Variants in RBFOX1 observed in about 807,000 individuals in gnomAD.
RBFOX1 encodes RNA binding protein fox-1 homolog 1.
A neutral mutation model predicts 57.7 loss-of-function variants in RBFOX1; 8 were observed. That is an observed-to-expected ratio of 0.14 (90% CI 0.08 to 0.25). The LOEUF (loss-of-function observed/expected upper bound fraction) is 0.25, where lower values mean the gene tolerates loss of function less well. Among genes scored for constraint, RBFOX1 ranks in the 10% least tolerant of loss-of-function variants. The probability of loss-of-function intolerance (pLI) is 1.00; values close to 1 mark genes in which losing one functional copy is unlikely to be tolerated. For synonymous variants in RBFOX1, 326 were observed against 222.4 expected (o/e 1.47, Z -4.15); for missense variants, 611 against 548.5 (o/e 1.11, Z -1.14).
At position 7,343,450 on chromosome 16, in the gene RBFOX1, A is replaced by G. The variant is rs1036257900; in HGVS notation, c.28-174697A>G. Reference sequence around the variant, plus strand: ...GGGATTTGGGAGCTGGTATTGACCAACAGTACAAGGGCTTTGTTGAGGTTT... The same window carrying G: ...GGGATTTGGGAGCTGGTATTGACCAGCAGTACAAGGGCTTTGTTGAGGTTT... On this transcript the variant is annotated intron_variant, in intron 4 of 15. Coordinates refer to ENST00000550418, the MANE Select transcript of RBFOX1 (RefSeq NM_018723.4). Among the ~76,000 whole-genome samples the G allele has an allele frequency of 1.8e-4, 28 of 152,160 alleles. 1 individual carries two copies. Among genetic ancestry groups the G allele is most frequent in the African/African-American group, 6.8e-4 (28 of 41,438 alleles).
intron 3 of RBFOX1, among the ~76,000 whole-genome samples, chr16:6,957,471 T>C (rs1023434844): frequency 5.3e-5 from 8 of 152,174 alleles, no homozygotes; most frequent in African/African-American, 1.9e-4. Context: ...TTAGACCATA[T>C]AGGGTAACTT....
At chr16:5,356,302 C>A (rs552995060) in intron 1 of RBFOX1, among the ~76,000 whole-genome samples, 4 of 152,280 alleles carry the variant, frequency 2.6e-5, no homozygotes, top group Non-Finnish European at 5.9e-5. Context: ...TTTTGAACTT[C>A]TAGGCTACAG....
At chr16:6,926,240 G>A (rs1000187639) in intron 3 of RBFOX1, among the ~76,000 whole-genome samples, 1 of 152,180 alleles carries the variant, frequency 6.6e-6, no homozygotes, top group African/African-American at 2.4e-5. Context: ...CTGGGAGGGG[G>A]AGGTTGCAGT....
intron 4 of RBFOX1, among the ~76,000 whole-genome samples, chr16:5,981,411 G>C (rs1463786852): frequency 1.3e-5 from 2 of 152,136 alleles, no homozygotes; most frequent in African/African-American, 2.4e-5. Flanking sequence ...TGTTTAATGA[G>C]GCATGGAAAC....
At chr16:7,105,802 A>T (rs574089593) in intron 4 of RBFOX1, among the ~76,000 whole-genome samples, 2 of 152,244 alleles carry the variant, frequency 1.3e-5, no homozygotes, top group Non-Finnish European at 1.5e-5. Flanking sequence ...AGATAGATAG[A>T]GATATCACAG....
intron 4 of RBFOX1, among the ~76,000 whole-genome samples, chr16:6,000,305 G>T (rs755999802): frequency 6.6e-6 from 1 of 152,148 alleles, no homozygotes; most frequent in East Asian, 1.9e-4. Context: ...CTTGGGTTAT[G>T]AAGTCACAGC....
At chr16:6,130,417 T>C (rs1374658986) in intron 1 of RBFOX1, among the ~76,000 whole-genome samples, 3 of 152,090 alleles carry the variant, frequency 2.0e-5, no homozygotes, top group Non-Finnish European at 4.4e-5. Flanking sequence ...AATAAATGTA[T>C]ATGTAATGCA....
intron 5 of RBFOX1, among the ~76,000 whole-genome samples, chr16:7,529,835 C>T (rs983890781): frequency 6.6e-6 from 1 of 151,760 alleles, no homozygotes; most frequent in African/African-American, 2.4e-5. Context: ...CTAGTGAAAC[C>T]CCGTCTCTCC....
chr16:5,682,893 A>T (rs929738254), intron 3 of RBFOX1, among the ~76,000 whole-genome samples: 9 of 152,196 alleles, frequency 5.9e-5, no homozygotes, highest in African/African-American at 2.2e-4. Context: ...GCCATGAAAC[A>T]GCTGTGGAAG....
rs1408025859 is a variant in RBFOX1, at chr16:5,916,973, G to C, written c.351+49638G>C. ...TGTCTCCCCTGCCTTTGATGCGGGT[G>C]TTATGACCTGCATCCCATGTGCCCC... On this transcript the variant is annotated intron_variant, in intron 4 of 19. Coordinates refer to the RBFOX1 transcript ENST00000641259. Among the ~76,000 whole-genome samples the C allele has an allele frequency of 2.6e-5, 4 of 152,116 alleles. No homozygotes were observed. In the East Asian group the frequency reaches 7.7e-4, roughly 29 times the overall value.
chr16:6,630,207 CT>C (rs2098366731), intron 2 of RBFOX1, among the ~76,000 whole-genome samples: 1 of 152,150 alleles, frequency 6.6e-6, no homozygotes, highest in Non-Finnish European at 1.5e-5. Flanking sequence ...TTTGATTCCC[CT>C]GTCTGTGACA....
chr16:6,972,225 G>T (rs921557089), intron 3 of RBFOX1, among the ~76,000 whole-genome samples: 1 of 152,060 alleles, frequency 6.6e-6, no homozygotes, highest in Non-Finnish European at 1.5e-5. Flanking sequence ...CTGAAACTCT[G>T]TATCTATTAA....
intron 2 of RBFOX1, among the ~76,000 whole-genome samples, chr16:6,531,393 G>A (rs1328075051): frequency 1.3e-5 from 2 of 152,116 alleles, no homozygotes; most frequent in Non-Finnish European, 2.9e-5. Flanking sequence ...TCAGACATAG[G>A]ATCAGTTTTC....
intron 1 of RBFOX1, among the ~76,000 whole-genome samples, chr16:6,154,789 A>C (rs561415370): frequency 6.6e-6 from 1 of 152,242 alleles, no homozygotes; most frequent in Non-Finnish European, 1.5e-5. Flanking sequence ...TAATGTGACT[A>C]CAGGTCGTAC....
In RBFOX1 at chr16:6,859,143, A is replaced by G. The variant is rs866827681; in HGVS notation, c.-15-192914A>G. ...TATATATATATACATATATATACGT[A>G]TATATATATGTATATATATACGTAT... On this transcript the variant is annotated intron_variant, in intron 3 of 15. Coordinates refer to ENST00000550418, the MANE Select transcript of RBFOX1 (RefSeq NM_018723.4). 3.0e-3 allele frequency among the ~76,000 whole-genome samples: 268 copies of G among 88,004 alleles called. 4 individuals are homozygous for G. The highest frequency in any genetic ancestry group is 5.4e-3 in the Middle Eastern group (1 of 184). 57.7% of individuals were successfully genotyped at this position (88,004 alleles called of 152,430 possible). A position where few individuals can be genotyped will look rare whatever the true frequency, so the allele number is the denominator to read the frequency against.
At chr16:6,126,291 C>T (rs2096589300) in intron 1 of RBFOX1, among the ~76,000 whole-genome samples, 1 of 152,210 alleles carries the variant, frequency 6.6e-6, no homozygotes, top group Non-Finnish European at 1.5e-5. Flanking sequence ...CCTTCGCAGG[C>T]CGTTGGTGTT....
chr16:7,315,375 CAT>C (rs1209819602), intron 4 of RBFOX1, among the ~76,000 whole-genome samples: 1 of 151,440 alleles, frequency 6.6e-6, no homozygotes, highest in Non-Finnish European at 1.5e-5. Context: ...AGGAAATAAA[CAT>C]GTCATTTTAG....
chr16:5,906,183 G>A (rs182823432), intron 4 of RBFOX1, among the ~76,000 whole-genome samples: 10 of 152,286 alleles, frequency 6.6e-5, no homozygotes, highest in Middle Eastern at 3.4e-3. Context: ...CTAGGCCTCA[G>A]TGCCTCAGAC....
intron 3 of RBFOX1, among the ~76,000 whole-genome samples, chr16:5,756,234 A>C (rs929737225): frequency 2.0e-5 from 3 of 150,730 alleles, no homozygotes; most frequent in Non-Finnish European, 4.4e-5. Flanking sequence ...AAAAAAAAAA[A>C]AAAAAAAAAA....
Sources: allele counts gnomAD v4.1 joint callset (sites outside exome capture counted in the v4.1 genomes callset), GRCh38; gene constraint gnomAD v4.1.1; transcripts MANE v1.5; gene names NCBI Gene and HGNC (gene_info 2026-07-23, HGNC 2026-07-21).